The following HSF2 variants were observed in gnomAD, a reference collection of about 807,000 sequenced individuals.
HSF2 encodes heat shock factor protein 2.
HSF2 carries 21 observed loss-of-function variants against 65.0 expected under a neutral mutation model. That is an observed-to-expected ratio of 0.32 (90% CI 0.23 to 0.47). The LOEUF (loss-of-function observed/expected upper bound fraction) is 0.47, where lower values mean the gene tolerates loss of function less well. HSF2 is among the 20% of genes least tolerant of loss of function. The probability of loss-of-function intolerance (pLI) is 1.00; values close to 1 mark genes in which losing one functional copy is unlikely to be tolerated. For missense variants in HSF2, 499 were observed against 628.1 expected (o/e 0.79, Z 2.20); for synonymous variants, 225 against 219.1 (o/e 1.03, Z -0.24).
At chr6:122,401,977 A>G (rs932899167) in intron 1 of HSF2, among the ~76,000 whole-genome samples, 2 of 152,200 alleles carry the variant, frequency 1.3e-5, no homozygotes, top group Non-Finnish European at 2.9e-5. Flanking sequence ...ACATGTGGCC[A>G]AGGATGGGTT....
intron 1 of HSF2, among the ~76,000 whole-genome samples, chr6:122,402,813 A>G (rs1329761073): frequency 6.6e-6 from 1 of 152,016 alleles, no homozygotes; most frequent in East Asian, 1.9e-4. Flanking sequence ...CGGCCTCCCA[A>G]AGTGTTGAGA....
At chr6:122,418,010 G>C (rs1454351925) in intron 5 of HSF2, among the ~76,000 whole-genome samples, 3 of 151,936 alleles carry the variant, frequency 2.0e-5, no homozygotes, top group Admixed American at 2.0e-4. Flanking sequence ...TGATTATAAG[G>C]CAGACCATTT....
intron 1 of HSF2, among the ~76,000 whole-genome samples, chr6:122,406,943 G>T (rs1582606390): frequency 1.3e-5 from 2 of 152,330 alleles, no homozygotes; most frequent in Admixed American, 6.5e-5. Context: ...TGTCCAAGTG[G>T]AAATGTTGAA....
intron 11 of HSF2, 22 bp downstream of exon 11, chr6:122,427,978 T>C: frequency 3.9e-6 from 6 of 1,523,528 alleles, no homozygotes; most frequent in Non-Finnish European, 5.4e-6. Context: ...TTCATGTTGC[T>C]CAGGACCCAT....
At chr6:122,423,559 A>T (rs775894285) in intron 9 of HSF2, 22 bp from the exon 10 acceptor site, 12 of 1,401,432 alleles carry the variant, frequency 8.6e-6, no homozygotes, top group East Asian at 2.4e-5. Flanking sequence ...ATATTTGATT[A>T]AAAAAATTTT....
At chr6:122,428,304 T>G (rs887963797) in intron 11 of HSF2, among the ~76,000 whole-genome samples, 1 of 152,020 alleles carries the variant, frequency 6.6e-6, no homozygotes, top group Non-Finnish European at 1.5e-5. Context: ...TATTCTCAAC[T>G]TTTTTATTAA....
intron 1 of HSF2, among the ~76,000 whole-genome samples, chr6:122,410,839 A>C (rs1016084665): frequency 6.6e-6 from 1 of 151,400 alleles, no homozygotes; most frequent in African/African-American, 2.4e-5. Flanking sequence ...AGTTACTTCT[A>C]CCTTTTGCCT....
intron 4 of HSF2, 128 bp from the exon 5 acceptor site, chr6:122,416,093 G>A: frequency 3.5e-6 from 2 of 574,590 alleles, no homozygotes; most frequent in Non-Finnish European, 6.2e-6. Flanking sequence ...AAGTTTTCTT[G>A]GTCTCATAAA....
In HSF2 at chr6:122,410,645, A is replaced by G. The variant is rs180914878; in HGVS notation, c.94-1728A>G. 1.4e-3 allele frequency among the ~76,000 whole-genome samples: 211 copies of G among 152,046 alleles called. 2 individuals carry two copies. Among genetic ancestry groups the G allele is most frequent in the African/African-American group, 4.8e-3 (200 of 41,552 alleles). ...TGAAATTGGCTATTATGGAAACTTC[A>G]TATAAGGGGAATTGTACAGTATTTG... On this transcript the variant is annotated intron_variant, in intron 1 of 12. Coordinates refer to ENST00000368455, the MANE Select transcript of HSF2 (RefSeq NM_004506.4).
At chr6:122,428,564 A>G (rs1324368920) in intron 11 of HSF2, among the ~76,000 whole-genome samples, 1 of 151,984 alleles carries the variant, frequency 6.6e-6, no homozygotes, top group Non-Finnish European at 1.5e-5. Flanking sequence ...GGTGTTTTAT[A>G]TCATTGTATT....
rs756480513 is a variant in HSF2 at position 122,432,224 on chromosome 6, C to A, written c.*4C>A. The A allele has an allele frequency of 6.2e-7, 1 of 1,602,282 alleles. No homozygotes were observed. The highest frequency in any genetic ancestry group is 1.3e-5 in the African/African-American group (1 of 74,668). On this transcript the variant is annotated 3_prime_UTR_variant, in exon 13 of 13. Transcript: ENST00000368455. ...TATGCCACTTTTAGATAGCTAAATC[C>A]CCAGGAAGTGGACTTTACATGTATA... is the stretch of plus-strand genomic sequence containing the variant.
Position 122,410,782 on chromosome 6 carries a change from A to G in HSF2, c.94-1591A>G, listed in dbSNP as rs1034120262. 2.6e-5 allele frequency among the ~76,000 whole-genome samples: 4 copies of G among 151,898 alleles called. No individual in the cohort carries two copies. In the South Asian group the frequency reaches 6.2e-4, roughly 24 times the overall value. On this transcript the variant is annotated intron_variant, in intron 1 of 12. Transcript: ENST00000368455. Reference sequence around the variant, plus strand: ...AAATAATATTTCATTGCATGTATATACCATACTTTATCCATATATATTTCA... The same window carrying G: ...AAATAATATTTCATTGCATGTATATGCCATACTTTATCCATATATATTTCA...
intron 8 of HSF2, 100 bp from the exon 9 acceptor site, chr6:122,422,618 T>G: frequency 8.2e-7 from 1 of 1,216,174 alleles, no homozygotes; most frequent in Non-Finnish European, 1.2e-6. Flanking sequence ...AGCCTTTCAG[T>G]ATGTGGTATG....
intron 6 of HSF2, 23 bp downstream of exon 6, chr6:122,419,252 T>C: frequency 8.3e-7 from 1 of 1,210,240 alleles, no homozygotes. Context: ...GATAAAGTAT[T>C]ATGTCCTGTA....
At chr6:122,404,464 A>AAT (rs1241949162) in intron 1 of HSF2, among the ~76,000 whole-genome samples, 1 of 152,202 alleles carries the variant, frequency 6.6e-6, no homozygotes, top group Admixed American at 6.5e-5. Flanking sequence ...AAGACTCTAA[A>AAT]AGAGTAGCTG....
rs751562120 is a variant in HSF2, at chr6:122,420,127, G to C, written c.594-8G>C. On this transcript the variant is annotated splice_region_variant and splice_polypyrimidine_tract_variant and intron_variant, in intron 6 of 12. Transcript: ENST00000368455. ...CTTCACTGAACTGCATATTCTTCTG[G>C]TTTTCAGGCCTCTACTTCTAAACAC... is the stretch of plus-strand genomic sequence containing the variant. 12 of 1,598,384 alleles carry C rather than the reference G, an allele frequency of 7.5e-6. No homozygotes were observed. The East Asian group carries it at 2.3e-4, about 30-fold the overall frequency.
chr6:122,420,249 A>G (rs1463715444), intron 7 of HSF2, 27 bp downstream of exon 7: 2 of 1,536,914 alleles, frequency 1.3e-6, no homozygotes, highest in South Asian at 1.2e-5. Context: ...GGTCTATTTT[A>G]TATTTATTGT....
At chr6:122,406,782 G>A (rs1008921213) in intron 1 of HSF2, among the ~76,000 whole-genome samples, 5 of 152,110 alleles carry the variant, frequency 3.3e-5, no homozygotes, top group African/African-American at 7.2e-5. Context: ...AGTAGTATTT[G>A]AAACAACTTG....
intron 12 of HSF2, 104 bp downstream of exon 12, chr6:122,431,618 T>C: frequency 5.0e-6 from 3 of 599,274 alleles, no homozygotes; most frequent in Non-Finnish European, 2.9e-6. Context: ...GCTTTAGTTC[T>C]GTGAATAGTG....
Sources: allele counts gnomAD v4.1 joint callset (sites outside exome capture counted in the v4.1 genomes callset), GRCh38; gene constraint gnomAD v4.1.1; transcripts MANE v1.5; gene names NCBI Gene and HGNC (gene_info 2026-07-23, HGNC 2026-07-21).